CDH18: variants seen among roughly 807,000 people sequenced by gnomAD.
The protein encoded by CDH18 is cadherin-18.
A neutral mutation model predicts 67.9 loss-of-function variants in CDH18; 31 were observed. That is an observed-to-expected ratio of 0.46 (90% CI 0.34 to 0.62). The LOEUF (loss-of-function observed/expected upper bound fraction) is 0.62, where lower values mean the gene tolerates loss of function less well. Ranked by LOEUF, CDH18 falls within the 20% of genes least tolerant of loss-of-function variation. CDH18 has a pLI of 0.01. For synonymous variants in CDH18, 362 were observed against 347.2 expected, an observed-to-expected ratio of 1.04 and a Z score of -0.48; for missense variants, 890 against 975.5, an observed-to-expected ratio of 0.91 and a Z score of 1.17.
chr5:19,818,622 G>A (rs970155390), intron 3 of CDH18, among the ~76,000 whole-genome samples: 6 of 152,186 alleles, frequency 3.9e-5, no homozygotes, highest in South Asian at 2.1e-4. Context: ...TACACAAACC[G>A]AGATGCAATA....
chr5:19,678,152 C>G (rs1218014842), intron 5 of CDH18, among the ~76,000 whole-genome samples: 1 of 151,526 alleles, frequency 6.6e-6, no homozygotes, highest in African/African-American at 2.4e-5. Context: ...GAATGCTCCA[C>G]CCCAAAACCA....
chr5:20,304,120 GGT>G (rs1226180017), intron 1 of CDH18: 1 of 1,607,164 alleles, frequency 6.2e-7, no homozygotes, highest in East Asian at 2.2e-5. Flanking sequence ...GAATCAACAT[GGT>G]GACTGGCATG....
chr5:19,699,073 C>T (rs1240936594), intron 5 of CDH18, among the ~76,000 whole-genome samples: 1 of 152,124 alleles, frequency 6.6e-6, no homozygotes, highest in East Asian at 1.9e-4. Flanking sequence ...TATATTCCAT[C>T]ATGATCCTTG....
intron 5 of CDH18, among the ~76,000 whole-genome samples, chr5:19,713,287 T>A (rs1764947354): frequency 6.6e-6 from 1 of 152,124 alleles, no homozygotes; most frequent in African/African-American, 2.4e-5. Context: ...TTATAGCGAA[T>A]TAGATGATTT....
At chr5:19,638,547 T>C (rs200619458) in intron 5 of CDH18, among the ~76,000 whole-genome samples, 1 of 13,396 alleles carries the variant, frequency 7.5e-5, no homozygotes, top group Non-Finnish European at 3.1e-4. Context: ...CTTTACTAAG[T>C]TTTTTTTTTC....
At chr5:19,566,397 AG>A (rs1740405186) in intron 8 of CDH18, among the ~76,000 whole-genome samples, 1 of 152,238 alleles carries the variant, frequency 6.6e-6, no homozygotes, top group Admixed American at 6.5e-5. Flanking sequence ...AAAATGTATT[AG>A]TCCGTTTTTA....
intron 5 of CDH18, among the ~76,000 whole-genome samples, chr5:19,643,172 C>T (rs1347394077): frequency 1.3e-5 from 2 of 151,850 alleles, no homozygotes; most frequent in African/African-American, 4.8e-5. Context: ...GTCACTGTCA[C>T]AAAATAAATG....
At chr5:19,760,646 T>C (rs1351426242) in intron 3 of CDH18, among the ~76,000 whole-genome samples, 1 of 152,166 alleles carries the variant, frequency 6.6e-6, no homozygotes, top group Non-Finnish European at 1.5e-5. Context: ...ATGCCTGTCC[T>C]CCAGATTTCT....
intron 2 of CDH18, among the ~76,000 whole-genome samples, chr5:20,107,751 C>T (rs1227815490): frequency 6.6e-6 from 1 of 151,526 alleles, no homozygotes; most frequent in African/African-American, 2.4e-5. Context: ...GTGTTTTTTC[C>T]ACTTCTTTTT....
intron 2 of CDH18, among the ~76,000 whole-genome samples, chr5:20,062,661 T>G (rs1338935569): frequency 6.6e-6 from 1 of 152,136 alleles, no homozygotes; most frequent in Non-Finnish European, 1.5e-5. Context: ...CAAATGAGCC[T>G]TTACTGACTT....
At chr5:20,238,155 C>G (rs972047882) in intron 2 of CDH18, among the ~76,000 whole-genome samples, 2 of 151,908 alleles carry the variant, frequency 1.3e-5, no homozygotes, top group African/African-American at 4.8e-5. Context: ...AATGGAAAAC[C>G]TACGTCAACC....
intron 2 of CDH18, among the ~76,000 whole-genome samples, chr5:19,857,421 G>C (rs1784428010): frequency 1.3e-5 from 2 of 152,078 alleles, no homozygotes; most frequent in Non-Finnish European, 2.9e-5. Context: ...CAGTATAAAT[G>C]ATGATAAATA....
At chr5:20,224,520 G>GTT (rs35344539) in intron 2 of CDH18, among the ~76,000 whole-genome samples, 100,539 of 147,920 alleles carry the variant, frequency 0.68, 34,590 homozygotes, top group African/African-American at 0.81. Flanking sequence ...AAATCCTTAG[G>GTT]TTTTTTTTTT....
intron 3 of CDH18, among the ~76,000 whole-genome samples, chr5:19,787,319 G>GCA (rs200365577): frequency 0.055 from 8,353 of 152,088 alleles, 538 homozygotes; most frequent in African/African-American, 0.16. Context: ...GGGCGTGGTG[G>GCA]TGCGCACCTG....
At chr5:19,752,059 A>AC (rs1404966811) in intron 3 of CDH18, among the ~76,000 whole-genome samples, 2 of 151,900 alleles carry the variant, frequency 1.3e-5, no homozygotes, top group African/African-American at 4.8e-5. Flanking sequence ...TTGAATACAC[A>AC]CCCCCACTGG....
At chr5:19,773,902 T>C (rs1423304373) in intron 3 of CDH18, among the ~76,000 whole-genome samples, 1 of 151,786 alleles carries the variant, frequency 6.6e-6, no homozygotes, top group Admixed American at 6.6e-5. Flanking sequence ...ATTTAAAAAC[T>C]TGGAATCATA....
intron 2 of CDH18, among the ~76,000 whole-genome samples, chr5:19,941,313 C>T (rs955630393): frequency 3.9e-5 from 6 of 152,104 alleles, no homozygotes; most frequent in African/African-American, 1.4e-4. Context: ...TTTCTGTGTT[C>T]GTAAGCCACT....
chr5:20,096,722 A>T (rs772894968), intron 2 of CDH18, among the ~76,000 whole-genome samples: 3 of 152,128 alleles, frequency 2.0e-5, no homozygotes, highest in Non-Finnish European at 4.4e-5. Context: ...GCTAAAAAGG[A>T]TCAATAACAA....
At chr5:19,755,374 C>T (rs939889553) in intron 3 of CDH18, among the ~76,000 whole-genome samples, 2 of 140,088 alleles carry the variant, frequency 1.4e-5, no homozygotes, top group Non-Finnish European at 3.1e-5. Flanking sequence ...CACAAAAGTT[C>T]ATTCAATGCT....
Sources: gnomAD v4.1 joint callset for allele counts (sites outside exome capture counted in the v4.1 genomes callset) on GRCh38, gnomAD v4.1.1 for gene constraint, MANE v1.5 for transcripts, NCBI Gene and HGNC (gene_info 2026-07-23, HGNC 2026-07-21) for gene names.